The following RTN4RL1 variants were observed in gnomAD, a reference collection of about 807,000 sequenced individuals.
The protein encoded by RTN4RL1 is reticulon-4 receptor-like 1.
In RTN4RL1, 7 loss-of-function variants were observed where a neutral mutation model predicts 25.6. That is an observed-to-expected ratio of 0.27 (90% confidence interval 0.16 to 0.51). The LOEUF is 0.51. Among genes scored for constraint, RTN4RL1 ranks in the 20% least tolerant of loss-of-function variants. RTN4RL1 has a pLI of 0.97. For missense variants in RTN4RL1, 500 were observed against 615.6 expected (o/e 0.81, Z 1.99); for synonymous variants, 297 against 288.2 (o/e 1.03, Z -0.31).
intron 1 of RTN4RL1, among the ~76,000 whole-genome samples, chr17:1,992,325 C>G (rs2066912827): frequency 6.8e-6 from 1 of 147,820 alleles, no homozygotes; most frequent in Non-Finnish European, 1.5e-5. Context: ...CGCCACTGCA[C>G]TCCAGCCTGG....
intron 1 of RTN4RL1, 32 bp from the exon 2 acceptor site, chr17:1,937,840 G>C: frequency 6.6e-7 from 1 of 1,513,718 alleles, no homozygotes; most frequent in Non-Finnish European, 9.0e-7. Flanking sequence ...GCCAGGTCAG[G>C]GGCCGTGCAG....
At chr17:1,979,380 G>A (rs557814070) in intron 1 of RTN4RL1, among the ~76,000 whole-genome samples, 43 of 152,276 alleles carry the variant, frequency 2.8e-4, no homozygotes, top group African/African-American at 9.4e-4. Context: ...AGGAGGCTGA[G>A]GTGGGAGGAT....
chr17:2,001,257 T>C (rs1385654741), intron 1 of RTN4RL1, among the ~76,000 whole-genome samples: 4 of 151,860 alleles, frequency 2.6e-5, no homozygotes, highest in Non-Finnish European at 5.9e-5. Flanking sequence ...CTCTGGGTTT[T>C]TTTTTGAGAT....
At chr17:1,940,325 C>T (rs1208002118) in intron 1 of RTN4RL1, among the ~76,000 whole-genome samples, 1 of 152,200 alleles carries the variant, frequency 6.6e-6, no homozygotes, top group Non-Finnish European at 1.5e-5. Context: ...GCTTCAAGGA[C>T]CCTTTCTGGG....
rs1030907946 is a variant in RTN4RL1 at position 1,980,165 on chromosome 17, G to A, written c.14-42357C>T. ...CAAAGCCTTGACCTCCCAGGCTCAGGTGATCCTCCCACCTCAGCCTCCCAA... is the reference window on the plus strand; with the variant it reads ...CAAAGCCTTGACCTCCCAGGCTCAGATGATCCTCCCACCTCAGCCTCCCAA... On this transcript the variant is annotated intron_variant, in intron 1 of 1. Transcript: ENST00000331238. 2.0e-5 allele frequency among the ~76,000 whole-genome samples: 3 copies of A among 148,598 alleles called. No homozygotes were observed. The South Asian group carries it at 6.2e-4, about 31-fold the overall frequency.
intron 1 of RTN4RL1, among the ~76,000 whole-genome samples, chr17:1,992,169 C>T (rs2066911951): frequency 6.6e-6 from 1 of 151,920 alleles, no homozygotes; most frequent in African/African-American, 2.4e-5. Flanking sequence ...ACGAGACCAT[C>T]CTGGCTAACA....
chr17:1,941,447 G>A (rs577524008), intron 1 of RTN4RL1, among the ~76,000 whole-genome samples: 3 of 151,960 alleles, frequency 2.0e-5, no homozygotes, highest in African/African-American at 4.8e-5. Context: ...TCCAGGCTTG[G>A]TGCAGGGCCT....
At chr17:2,017,393 T>A (rs1383927212) in intron 1 of RTN4RL1, among the ~76,000 whole-genome samples, 6 of 152,194 alleles carry the variant, frequency 3.9e-5, no homozygotes, top group Non-Finnish European at 8.8e-5. Flanking sequence ...GGCAGACATG[T>A]CACGAGTCGT....
intron 1 of RTN4RL1, among the ~76,000 whole-genome samples, chr17:1,957,902 T>C (rs1423109949): frequency 6.7e-6 from 1 of 150,202 alleles, no homozygotes; most frequent in Non-Finnish European, 1.5e-5. Flanking sequence ...AGATGGTGGG[T>C]TGCAGCACTC....
At chr17:1,943,377 A>G (rs1915478513) in intron 1 of RTN4RL1, among the ~76,000 whole-genome samples, 1 of 152,110 alleles carries the variant, frequency 6.6e-6, no homozygotes, top group South Asian at 2.1e-4. Flanking sequence ...CGAGCTGCTC[A>G]CCCCAACTTG....
At chr17:1,952,456 C>T (rs1915705432) in intron 1 of RTN4RL1, among the ~76,000 whole-genome samples, 1 of 151,594 alleles carries the variant, frequency 6.6e-6, no homozygotes, top group African/African-American at 2.4e-5. Flanking sequence ...CCTGCCCCAG[C>T]TTCTTGAATA....
intron 1 of RTN4RL1, among the ~76,000 whole-genome samples, chr17:1,956,171 A>T (rs1915788628): frequency 6.6e-6 from 1 of 152,130 alleles, no homozygotes; most frequent in Non-Finnish European, 1.5e-5. Flanking sequence ...GAGGCTGTGT[A>T]CTAAGGAAGC....
chr17:1,970,481 T>C (rs1432248609), intron 1 of RTN4RL1, among the ~76,000 whole-genome samples: 1 of 152,212 alleles, frequency 6.6e-6, no homozygotes, highest in Admixed American at 6.5e-5. Context: ...CACTGCATTC[T>C]ACCCGTTAGA....
At chr17:2,024,749 G>C (rs1287273569) in intron 1 of RTN4RL1, 104 bp downstream of exon 1, 1 of 1,185,516 alleles carries the variant, frequency 8.4e-7, no homozygotes, top group South Asian at 1.5e-5. Context: ...AGCCCGCCGG[G>C]GGCTACTTCC....
At chr17:1,992,203 A>C (rs2066912117) in intron 1 of RTN4RL1, among the ~76,000 whole-genome samples, 1 of 151,928 alleles carries the variant, frequency 6.6e-6, no homozygotes, top group Non-Finnish European at 1.5e-5. Flanking sequence ...TCTCTACTAA[A>C]AATACAAAAA....
chr17:1,952,297 G>A (rs1013213379), intron 1 of RTN4RL1, among the ~76,000 whole-genome samples: 3 of 151,354 alleles, frequency 2.0e-5, no homozygotes, highest in Non-Finnish European at 4.4e-5. Context: ...GAGAAACGGG[G>A]CTGGACTTGG....
chr17:2,002,640 C>A (rs958898971), intron 1 of RTN4RL1, among the ~76,000 whole-genome samples: 6 of 151,636 alleles, frequency 4.0e-5, no homozygotes, highest in African/African-American at 1.2e-4. Flanking sequence ...CCCTCCCTCC[C>A]TTCCTTCCTT....
Position 1,947,228 on chromosome 17 carries a change from G to A in RTN4RL1, c.14-9420C>T, listed in dbSNP as rs189714091. On this transcript the variant is annotated intron_variant, in intron 1 of 1. Coordinates refer to ENST00000331238, the MANE Select transcript of RTN4RL1 (RefSeq NM_178568.4). ...CGTGTGTCTGCGCACGCACGCTTGT[G>A]TGCTCATGTACCTGGGCGGGCCTGT... Among the ~76,000 whole-genome samples the A allele has an allele frequency of 7.3e-4, 111 of 152,342 alleles. 1 individual carries two copies. Among genetic ancestry groups the A allele is most frequent in the Non-Finnish European group, 1.4e-3 (94 of 68,016 alleles).
At chr17:1,962,221 C>A (rs112658976) in intron 1 of RTN4RL1, among the ~76,000 whole-genome samples, 9,886 of 149,482 alleles carry the variant, frequency 0.066, 430 homozygotes, top group Non-Finnish European at 0.1. Flanking sequence ...TGAAGACTGC[C>A]ATGAGCCATG....
Sources: allele counts gnomAD v4.1 joint callset (sites outside exome capture counted in the v4.1 genomes callset), GRCh38; gene constraint gnomAD v4.1.1; transcripts MANE v1.5; gene names NCBI Gene and HGNC (gene_info 2026-07-23, HGNC 2026-07-21).